The following KCNQ3 variants were observed in gnomAD, a reference collection of about 807,000 sequenced individuals.
KCNQ3 encodes potassium voltage-gated channel subfamily Q member 3.
A neutral mutation model predicts 92.5 loss-of-function variants in KCNQ3; 30 were observed. The observed-to-expected ratio is 0.32, with a 90% CI of 0.24 to 0.44. The LOEUF (loss-of-function observed/expected upper bound fraction) is 0.44. Ranked by LOEUF, KCNQ3 falls within the 20% of genes least tolerant of loss-of-function variation. The pLI is 1.00. For missense variants in KCNQ3, 913 were observed against 1,140.3 expected (o/e 0.80, Z 2.87); for synonymous variants, 450 against 468.8 (o/e 0.96, Z 0.52).
At chr8:132,335,024 TCC>T (rs1407713758) in intron 1 of KCNQ3, among the ~76,000 whole-genome samples, 2 of 151,570 alleles carry the variant, frequency 1.3e-5, no homozygotes, top group African/African-American at 4.9e-5. Context: ...CTTCCTTCCT[TCC>T]TTGTTTTCTT....
intron 1 of KCNQ3, among the ~76,000 whole-genome samples, chr8:132,251,476 G>A (rs1000758337): frequency 2.6e-5 from 4 of 152,204 alleles, no homozygotes; most frequent in African/African-American, 9.6e-5. Context: ...CTTCTGAATG[G>A]TTACGGTTTT....
At chr8:132,133,882 A>T (rs1824970793) in intron 13 of KCNQ3, among the ~76,000 whole-genome samples, 1 of 152,170 alleles carries the variant, frequency 6.6e-6, no homozygotes, top group African/African-American at 2.4e-5. Context: ...CTGATATCTG[A>T]GTGTCTTCTC....
At chr8:132,459,583 C>G (rs964326632) in intron 1 of KCNQ3, among the ~76,000 whole-genome samples, 1 of 152,136 alleles carries the variant, frequency 6.6e-6, no homozygotes. Flanking sequence ...AGGGATCTAA[C>G]CCCATGACCC....
At chr8:132,391,348 C>T (rs1276366971) in intron 1 of KCNQ3, among the ~76,000 whole-genome samples, 1 of 152,122 alleles carries the variant, frequency 6.6e-6, no homozygotes, top group Non-Finnish European at 1.5e-5. Flanking sequence ...ATGCTCACAT[C>T]TGTAAAATGG....
Position 132,165,091 on chromosome 8 carries a change from A to G in KCNQ3, c.1236-1597T>C, listed in dbSNP as rs762495720. On this transcript the variant is annotated intron_variant, in intron 8 of 14. Coordinates refer to ENST00000388996, the MANE Select transcript of KCNQ3 (RefSeq NM_004519.4). ...ACTAGACCCTTTCCATCAAAGAAAA[A>G]AATTCTTGGCCTCACATCCACTCCA... Among the ~76,000 whole-genome samples the G allele has an allele frequency of 3.5e-4, 54 of 152,220 alleles. No individual in the cohort carries two copies. The Middle Eastern group carries it at 0.01, about 29-fold the overall frequency.
intron 1 of KCNQ3, among the ~76,000 whole-genome samples, chr8:132,212,457 T>C (rs1175928424): frequency 1.3e-5 from 2 of 152,122 alleles, no homozygotes; most frequent in African/African-American, 4.8e-5. Flanking sequence ...TTCTCTATTC[T>C]TTTTCAGAAT....
At chr8:132,352,328 T>C (rs1429571948) in intron 1 of KCNQ3, among the ~76,000 whole-genome samples, 1 of 152,160 alleles carries the variant, frequency 6.6e-6, no homozygotes, top group African/African-American at 2.4e-5. Flanking sequence ...GTTTTGGTTG[T>C]CACAGGTGGG....
intron 1 of KCNQ3, among the ~76,000 whole-genome samples, chr8:132,311,697 T>A (rs956416276): frequency 2.0e-5 from 3 of 152,242 alleles, no homozygotes; most frequent in African/African-American, 7.2e-5. Flanking sequence ...TTGTTAATTA[T>A]TATTAACTTA....
At chr8:132,323,525 G>A (rs911802425) in intron 1 of KCNQ3, among the ~76,000 whole-genome samples, 2 of 152,142 alleles carry the variant, frequency 1.3e-5, no homozygotes, top group Non-Finnish European at 2.9e-5. Flanking sequence ...GACTTGACAT[G>A]TCCCAAATTG....
chr8:132,313,341 A>G (rs1051938129), intron 1 of KCNQ3, among the ~76,000 whole-genome samples: 1 of 152,254 alleles, frequency 6.6e-6, no homozygotes, highest in East Asian at 1.9e-4. Context: ...AAAGAGTTAC[A>G]TGAAGACAAT....
At chr8:132,187,856 TGGTGGTGGTGGTGGTG>T (rs1827039729) in intron 1 of KCNQ3, among the ~76,000 whole-genome samples, 2 of 69,502 alleles carry the variant, frequency 2.9e-5, no homozygotes, top group Admixed American at 1.0e-4. Context: ...GTGGTAGTGA[TGGTGGTGGTGGTGGTG>T]ATAGTGATGG....
At chr8:132,183,659 G>A (rs2130173480) in intron 3 of KCNQ3, among the ~76,000 whole-genome samples, 1 of 152,266 alleles carries the variant, frequency 6.6e-6, no homozygotes, top group African/African-American at 2.4e-5. Context: ...ACAAATGGAA[G>A]GATTCCAGTG....
At chr8:132,264,717 C>A (rs144778900) in intron 1 of KCNQ3, among the ~76,000 whole-genome samples, 6 of 152,190 alleles carry the variant, frequency 3.9e-5, no homozygotes, top group East Asian at 3.9e-4. Flanking sequence ...CGTGCTCTAT[C>A]TCTGTCTAGT....
intron 1 of KCNQ3, among the ~76,000 whole-genome samples, chr8:132,219,966 G>C (rs1017503803): frequency 6.6e-6 from 1 of 152,058 alleles, no homozygotes; most frequent in Non-Finnish European, 1.5e-5. Context: ...AAAGATAACT[G>C]TGGCGTGAGC....
intron 1 of KCNQ3, among the ~76,000 whole-genome samples, chr8:132,279,555 AGGATCACT>A (rs1816447450): frequency 6.6e-6 from 1 of 152,336 alleles, no homozygotes; most frequent in African/African-American, 2.4e-5. Flanking sequence ...TTGCAGGTTG[AGGATCACT>A]GGTTAAAGCA....
chr8:132,224,860 A>C (rs1814359161), intron 1 of KCNQ3, among the ~76,000 whole-genome samples: 1 of 152,202 alleles, frequency 6.6e-6, no homozygotes, highest in Admixed American at 6.5e-5. Flanking sequence ...TAATTGGAAG[A>C]AGAAGGGAAA....
At chr8:132,211,249 G>A (rs1472669658) in intron 1 of KCNQ3, among the ~76,000 whole-genome samples, 1 of 152,174 alleles carries the variant, frequency 6.6e-6, no homozygotes, top group African/African-American at 2.4e-5. Context: ...TCCAATACAT[G>A]TGAGAAAAAA....
chr8:132,408,312 G>A (rs1820550885), intron 1 of KCNQ3, among the ~76,000 whole-genome samples: 1 of 152,158 alleles, frequency 6.6e-6, no homozygotes, highest in Admixed American at 6.5e-5. Flanking sequence ...TGGAGAGTTT[G>A]AAGCTTCTGC....
At chr8:132,342,994 T>C (rs562424218) in intron 1 of KCNQ3, among the ~76,000 whole-genome samples, 1 of 152,318 alleles carries the variant, frequency 6.6e-6, no homozygotes, top group East Asian at 1.9e-4. Flanking sequence ...TCTTCAGGGC[T>C]AACGTATTGG....
Sources: allele counts gnomAD v4.1 joint callset (sites outside exome capture counted in the v4.1 genomes callset), GRCh38; gene constraint gnomAD v4.1.1; transcripts MANE v1.5; gene names NCBI Gene and HGNC (gene_info 2026-07-23, HGNC 2026-07-21).